The following NUP214 variants were observed in gnomAD, a reference collection of about 807,000 sequenced individuals.
NUP214 encodes the protein nucleoporin 214, also known as nuclear pore complex protein Nup214.
In NUP214, 79 loss-of-function variants were observed where a neutral mutation model predicts 196.2. The ratio of observed to expected loss-of-function variants is 0.40; its 90% confidence interval spans 0.34 to 0.49. NUP214 has a LOEUF of 0.49. Ranked by LOEUF, NUP214 falls within the 20% of genes least tolerant of loss-of-function variation. The pLI is 0.58. For synonymous variants in NUP214, 1,020 were observed against 990.5 expected (o/e 1.03, Z -0.56); for missense variants, 2,468 against 2,539.0 (o/e 0.97, Z 0.60).
chr9:131,216,634 C>T (rs1461711925), intron 31 of NUP214, among the ~76,000 whole-genome samples: 1 of 150,646 alleles, frequency 6.6e-6, no homozygotes, highest in Non-Finnish European at 1.5e-5. Context: ...TCAAGCAATT[C>T]TCCCAGCTCA....
intron 32 of NUP214, among the ~76,000 whole-genome samples, chr9:131,226,220 C>G (rs988527593): frequency 6.6e-6 from 1 of 152,090 alleles, no homozygotes; most frequent in Non-Finnish European, 1.5e-5. Context: ...ATAGTGGGCC[C>G]TCAATAAATC....
intron 17 of NUP214, among the ~76,000 whole-genome samples, chr9:131,152,371 T>A (rs1279864468): frequency 6.6e-6 from 1 of 152,200 alleles, no homozygotes; most frequent in East Asian, 1.9e-4. Flanking sequence ...TCCTCCTGCC[T>A]TGGCCTCCCA....
intron 26 of NUP214, chr9:131,191,810 C>G (rs1833608936): frequency 6.5e-6 from 1 of 153,616 alleles, no homozygotes; most frequent in Admixed American, 6.5e-5. Flanking sequence ...AATTATAAAG[C>G]TACATTATAT....
intron 31 of NUP214, 87 bp downstream of exon 31, chr9:131,215,455 T>C (rs764636638): frequency 1.5e-6 from 2 of 1,297,194 alleles, no homozygotes; most frequent in Non-Finnish European, 2.0e-6. Flanking sequence ...GTGACAAATA[T>C]AAAAAGAAAA....
chr9:131,169,635 A>G (rs1832898318), intron 21 of NUP214, among the ~76,000 whole-genome samples: 1 of 152,222 alleles, frequency 6.6e-6, no homozygotes. Context: ...CATTGCAGAA[A>G]GTTCTACAAT....
Position 131,222,782 on chromosome 9 carries a change from C to T in NUP214, c.5754C>T (p.Thr1918=), listed in dbSNP as rs749316059. 2 of 1,614,070 alleles carry T rather than the reference C, an allele frequency of 1.2e-6. No individual in the cohort carries two copies. The highest frequency in any genetic ancestry group is 1.1e-5 in the South Asian group (1 of 91,060). ...CTCACATCTTCATCTCTTCAGATAC[C>T]TCTAACCTATTTGGAAACAGTGGGG... ...GGFGSTATSN[T]SNLFGNSGAK... Residue 1918 remains threonine (T), a synonymous_variant, in exon 32 of 36, where the codon ACC becomes ACT. Transcript: ENST00000359428.
At chr9:131,233,024 T>A (rs919884746) in intron 35 of NUP214, 5 of 150,460 alleles carry the variant, frequency 3.3e-5, no homozygotes, top group African/African-American at 1.2e-4. Flanking sequence ...AAAAAATATA[T>A]ATACTGGCCA....
In NUP214 at chr9:131,228,287, A is replaced by G. The variant is rs1321318278; in HGVS notation, c.6030A>G (p.Lys2010=). 1 of 1,604,586 alleles carries G rather than the reference A, an allele frequency of 6.2e-7. No homozygotes were observed. Among genetic ancestry groups the G allele is most frequent in the South Asian group, 1.1e-5 (1 of 89,906 alleles). ...GCCCTCTGGGCTCGACGGGAGGCAA[A>G]GTGTTCGGAGAGGGCACTGCAGCTG... ...FTSPLGSTGG[K]VFGEGTAAAS... Residue 2010 remains lysine, a synonymous_variant, in exon 33 of 36, where the codon AAA becomes AAG. Transcript: ENST00000359428.
At chr9:131,208,074 A>G (rs1052515898) in intron 30 of NUP214, among the ~76,000 whole-genome samples, 46 of 152,206 alleles carry the variant, frequency 3.0e-4, no homozygotes, top group African/African-American at 1.0e-3. Context: ...AAAAATAAAA[A>G]TAACCAGTGT....
chr9:131,140,103 GAATGAGGATA>G (rs1255257966), intron 10 of NUP214, among the ~76,000 whole-genome samples: 9 of 152,202 alleles, frequency 5.9e-5, no homozygotes, highest in African/African-American at 9.6e-5. Flanking sequence ...ATTCAGCTGT[GAATGAGGATA>G]AAGTGGTTTG....
At position 131,130,903 on chromosome 9, in the gene NUP214, G is replaced by A. The variant is rs138947405; in HGVS notation, c.663+67G>A. On this transcript the variant is annotated intron_variant, in intron 5 of 35. Coordinates refer to ENST00000359428, the MANE Select transcript of NUP214 (RefSeq NM_005085.4). ...CCACTTTTTTGGGGGTGGTTTGGGA[G>A]TATCTTTCTTGTTTTTCCTATTAAA... 2.9e-4 allele frequency: 375 copies of A among 1,272,730 alleles called. 2 individuals carry two copies. In the East Asian group the frequency reaches 6.8e-3, roughly 23 times the overall value. The allele number at this position is 1,272,730 out of a possible 1,614,324, so 78.8% of individuals were successfully genotyped here. A position where few individuals can be genotyped will look rare whatever the true frequency, so the allele number is the denominator to read the frequency against.
chr9:131,213,251 C>T (rs1369403990), intron 30 of NUP214, among the ~76,000 whole-genome samples: 1 of 151,516 alleles, frequency 6.6e-6, no homozygotes, highest in Non-Finnish European at 1.5e-5. Context: ...TACTGGCTCA[C>T]TGCAACCTCT....
At chr9:131,135,131 C>G (rs1831680859) in intron 8 of NUP214, 127 bp downstream of exon 8, 6 of 690,770 alleles carry the variant, frequency 8.7e-6, no homozygotes, top group Admixed American at 7.7e-5. Context: ...ACTCCATTAC[C>G]CAGGCTGGAG....
chr9:131,175,009 C>T (rs1833074846), intron 22 of NUP214, among the ~76,000 whole-genome samples: 1 of 152,182 alleles, frequency 6.6e-6, no homozygotes, highest in Non-Finnish European at 1.5e-5. Context: ...TTCAGCCTGA[C>T]TTGTGGCATA....
Position 131,150,773 on chromosome 9 carries a change from T to A in NUP214, c.2277+8T>A. Reference sequence around the variant, plus strand: ...ATTAAAGAGACCACAGAGGTTTGTGTTTATGGATACTTTTCCTGAGTTGAA... The same window carrying A: ...ATTAAAGAGACCACAGAGGTTTGTGATTATGGATACTTTTCCTGAGTTGAA... On this transcript the variant is annotated splice_region_variant and intron_variant, in intron 16 of 35. Coordinates refer to ENST00000359428, the MANE Select transcript of NUP214 (RefSeq NM_005085.4). 4 of 1,600,654 alleles carry A rather than the reference T, an allele frequency of 2.5e-6. No individual in the cohort carries two copies. The highest frequency in any genetic ancestry group is 3.4e-6 in the Non-Finnish European group (4 of 1,176,232).
intron 24 of NUP214, among the ~76,000 whole-genome samples, chr9:131,183,845 A>T (rs913171093): frequency 6.6e-6 from 1 of 152,082 alleles, no homozygotes; most frequent in Non-Finnish European, 1.5e-5. Context: ...TGTTATTTAC[A>T]CATTTTTTCA....
intron 32 of NUP214, among the ~76,000 whole-genome samples, chr9:131,227,838 T>C (rs577414024): frequency 1.4e-4 from 21 of 152,252 alleles, no homozygotes; most frequent in African/African-American, 5.1e-4. Context: ...CTTGGAGGTC[T>C]GCTCACACGG....
intron 18 of NUP214, among the ~76,000 whole-genome samples, chr9:131,160,255 GA>G (rs1832589615): frequency 6.6e-6 from 1 of 152,080 alleles, no homozygotes; most frequent in Non-Finnish European, 1.5e-5. Context: ...TGGCTAATAA[GA>G]ATGTGGAGGT....
intron 21 of NUP214, among the ~76,000 whole-genome samples, chr9:131,171,822 C>T (rs1039530950): frequency 1.3e-5 from 2 of 152,020 alleles, no homozygotes; most frequent in Non-Finnish European, 2.9e-5. Context: ...TTTGTCCTTG[C>T]AATATTTTAC....
Sources: gnomAD v4.1 joint callset for allele counts (sites outside exome capture counted in the v4.1 genomes callset) on GRCh38, gnomAD v4.1.1 for gene constraint, MANE v1.5 for transcripts, NCBI Gene and HGNC (gene_info 2026-07-23, HGNC 2026-07-21) for gene names.